Variants in TMEM132D observed in about 807,000 individuals in gnomAD.
The protein encoded by TMEM132D is transmembrane protein 132D, also known as mature OL transmembrane protein.
A neutral mutation model predicts 62.3 loss-of-function variants in TMEM132D; 21 were observed. That is an observed-to-expected ratio of 0.34 (90% CI 0.24 to 0.49). The LOEUF (loss-of-function observed/expected upper bound fraction) is 0.49. Ranked by LOEUF, TMEM132D falls within the 20% of genes least tolerant of loss-of-function variation. The probability of loss-of-function intolerance (pLI) is 0.99; values close to 1 mark genes in which losing one functional copy is unlikely to be tolerated. For synonymous variants in TMEM132D, 621 were observed against 575.6 expected (o/e 1.08, Z -1.13); for missense variants, 1,346 against 1,402.8 (o/e 0.96, Z 0.65).
intron 4 of TMEM132D, among the ~76,000 whole-genome samples, chr12:129,253,947 C>T (rs150536703): frequency 2.8e-4 from 42 of 152,242 alleles, no homozygotes; most frequent in Non-Finnish European, 2.2e-4. Context: ...CAGTGAACAA[C>T]GTAAAAGCCC....
At chr12:129,526,519 G>A (rs1441075162) in intron 3 of TMEM132D, among the ~76,000 whole-genome samples, 7 of 152,150 alleles carry the variant, frequency 4.6e-5, no homozygotes, top group South Asian at 4.2e-4. Context: ...TCCTGACCTC[G>A]TCATCCACCC....
chr12:129,246,359 C>T (rs573077677), intron 4 of TMEM132D, among the ~76,000 whole-genome samples: 71 of 152,292 alleles, frequency 4.7e-4, no homozygotes, highest in African/African-American at 1.6e-3. Context: ...CTGAGCACCA[C>T]GGCCGCTCTG....
chr12:129,634,613 T>G (rs914726255), intron 2 of TMEM132D, among the ~76,000 whole-genome samples: 2 of 152,346 alleles, frequency 1.3e-5, no homozygotes, highest in East Asian at 3.9e-4. Context: ...TTTCTTGGAC[T>G]ATACTAAATT....
intron 2 of TMEM132D, among the ~76,000 whole-genome samples, chr12:129,573,522 C>G (rs1877576760): frequency 6.6e-6 from 1 of 152,040 alleles, no homozygotes; most frequent in Non-Finnish European, 1.5e-5. Flanking sequence ...TAGAATTTGC[C>G]CTTAGATCAT....
chr12:129,310,162 A>C (rs1046560602), intron 4 of TMEM132D, among the ~76,000 whole-genome samples: 2 of 152,214 alleles, frequency 1.3e-5, no homozygotes, highest in Non-Finnish European at 2.9e-5. Flanking sequence ...TGATTGCTAC[A>C]GAAAGAAAAG....
intron 3 of TMEM132D, among the ~76,000 whole-genome samples, chr12:129,473,324 GTTTTTTTTTT>G (rs751523415): frequency 3.3e-4 from 27 of 81,554 alleles, no homozygotes; most frequent in African/African-American, 1.3e-3. Context: ...TTTAGTTTTT[GTTTTTTTTTT>G]TTTTTTTTTT....
At chr12:129,322,505 A>C (rs961866763) in intron 4 of TMEM132D, among the ~76,000 whole-genome samples, 5 of 151,792 alleles carry the variant, frequency 3.3e-5, no homozygotes, top group African/African-American at 1.2e-4. Flanking sequence ...AATAAAGAAG[A>C]CATTCCGTTT....
intron 4 of TMEM132D, among the ~76,000 whole-genome samples, chr12:129,235,020 A>G (rs950033050): frequency 1.3e-5 from 2 of 151,540 alleles, no homozygotes; most frequent in South Asian, 4.1e-4. Context: ...TTTACTGCAT[A>G]ACTTTAATAA....
chr12:129,859,671 G>A (rs1873831389), intron 1 of TMEM132D, among the ~76,000 whole-genome samples: 1 of 152,190 alleles, frequency 6.6e-6, no homozygotes, highest in Non-Finnish European at 1.5e-5. Context: ...GGTGGGATAA[G>A]CTGGGTTCCT....
intron 5 of TMEM132D, among the ~76,000 whole-genome samples, chr12:129,101,612 G>A (rs1018730495): frequency 6.6e-6 from 1 of 152,194 alleles, no homozygotes. Context: ...GTTTCCCGAG[G>A]TTGCTTAGTT....
intron 3 of TMEM132D, among the ~76,000 whole-genome samples, chr12:129,497,409 C>T (rs1286984010): frequency 6.6e-6 from 1 of 152,228 alleles, no homozygotes; most frequent in Non-Finnish European, 1.5e-5. Context: ...TGCTCCACGA[C>T]TCCACCTCTT....
intron 2 of TMEM132D, among the ~76,000 whole-genome samples, chr12:129,558,205 T>C (rs1877116259): frequency 6.6e-6 from 1 of 152,148 alleles, no homozygotes; most frequent in African/African-American, 2.4e-5. Flanking sequence ...ACACATTGCT[T>C]TGGAATTTCC....
At chr12:129,093,665 G>A (rs144608345) in intron 5 of TMEM132D, among the ~76,000 whole-genome samples, 48,252 of 151,692 alleles carry the variant, frequency 0.32, 8,541 homozygotes, top group African/African-American at 0.48. Flanking sequence ...GACTTTCTTC[G>A]CAGAATTGGA....
chr12:129,318,545 T>C (rs1406957393), intron 4 of TMEM132D, among the ~76,000 whole-genome samples: 4 of 152,060 alleles, frequency 2.6e-5, no homozygotes, highest in African/African-American at 9.7e-5. Flanking sequence ...CCAGTGGAGG[T>C]GGCAGGGGTG....
intron 5 of TMEM132D, among the ~76,000 whole-genome samples, chr12:129,181,022 G>A (rs1878051564): frequency 1.3e-5 from 2 of 152,146 alleles, no homozygotes; most frequent in Non-Finnish European, 1.5e-5. Flanking sequence ...AACCAGTTAT[G>A]AGGATGCTGC....
intron 2 of TMEM132D, among the ~76,000 whole-genome samples, chr12:129,547,444 G>A (rs1449192683): frequency 6.6e-6 from 1 of 152,088 alleles, no homozygotes; most frequent in Non-Finnish European, 1.5e-5. Flanking sequence ...TGGGTTTAGG[G>A]CCCACCCTAA....
intron 2 of TMEM132D, among the ~76,000 whole-genome samples, chr12:129,689,126 G>A (rs1017435727): frequency 1.4e-4 from 22 of 152,194 alleles, no homozygotes; most frequent in Admixed American, 9.8e-4. Context: ...GTATGAGGTT[G>A]AGAAACCTAT....
intron 3 of TMEM132D, among the ~76,000 whole-genome samples, chr12:129,518,204 GAAC>G (rs1315977018): frequency 1.1e-4 from 17 of 152,044 alleles, no homozygotes; most frequent in African/African-American, 4.1e-4. Context: ...GAGTTTATAA[GAAC>G]AATAGAAGAA....
At chr12:129,595,731 G>A (rs76484919) in intron 2 of TMEM132D, among the ~76,000 whole-genome samples, 2,621 of 152,294 alleles carry the variant, frequency 0.017, 40 homozygotes, top group Non-Finnish European at 0.025. Context: ...TAGGTGTGTG[G>A]AACAGAGCCA....
Sources: gnomAD v4.1 joint callset for allele counts (sites outside exome capture counted in the v4.1 genomes callset) on GRCh38, gnomAD v4.1.1 for gene constraint, MANE v1.5 for transcripts, NCBI Gene and HGNC (gene_info 2026-07-23, HGNC 2026-07-21) for gene names.